The following MS4A13 variants were observed in gnomAD, a reference collection of about 807,000 sequenced individuals.
MS4A13 encodes membrane spanning 4-domains A13, also known as membrane-spanning 4-domains subfamily A member 13.
MS4A13 carries 21 observed loss-of-function variants against 18.4 expected under a neutral mutation model. The observed-to-expected ratio is 1.14, with a 90% CI of 0.81 to 1.64. The LOEUF (loss-of-function observed/expected upper bound fraction) is 1.64, where lower values mean the gene tolerates loss of function less well. Ranked by LOEUF, MS4A13 falls within the 40% of genes most tolerant of loss-of-function variation. MS4A13 has a pLI of 0.00. For synonymous variants in MS4A13, 62 were observed against 57.2 expected, an observed-to-expected ratio of 1.08 and a Z score of -0.38; for missense variants, 173 against 176.8, an observed-to-expected ratio of 0.98 and a Z score of 0.12.
intron 5 of MS4A13, among the ~76,000 whole-genome samples, chr11:60,527,408 CTCTGTGTGTG>C (rs2086725604): frequency 2.8e-5 from 1 of 35,556 alleles, no homozygotes; most frequent in East Asian, 1.1e-3. Flanking sequence ...CTCTCTCTCT[CTCTGTGTGTG>C]TGTGTGTGTG....
At chr11:60,527,342 G>T (rs1252870994) in intron 5 of MS4A13, among the ~76,000 whole-genome samples, 3 of 138,844 alleles carry the variant, frequency 2.2e-5, no homozygotes, top group Non-Finnish European at 3.0e-5. Context: ...TACATCATCT[G>T]CCAGGAACTC....
chr11:60,532,350 C>A (rs1406290428), intron 6 of MS4A13, among the ~76,000 whole-genome samples: 1 of 152,196 alleles, frequency 6.6e-6, no homozygotes, highest in Non-Finnish European at 1.5e-5. Context: ...CGAGGCATTG[C>A]CTCACCTGGG....
chr11:60,530,970 A>C (rs4939395), intron 6 of MS4A13, among the ~76,000 whole-genome samples: 25,028 of 152,138 alleles, frequency 0.16, 2,306 homozygotes, highest in East Asian at 0.27. Flanking sequence ...GAGGTCTCCC[A>C]AGCCATGTGG....
rs889107386 is a variant in MS4A13, at chr11:60,542,693, C to A, written c.*118C>A. The A allele has an allele frequency of 5.3e-6, 3 of 563,458 alleles. No homozygotes were observed. The highest frequency in any genetic ancestry group is 3.8e-5 in the African/African-American group (2 of 52,952). 34.9% of individuals were successfully genotyped at this position (563,458 alleles called of 1,614,324 possible). A position where few individuals can be genotyped will look rare whatever the true frequency, so the allele number is the denominator to read the frequency against. ...GATTTTGTGCAAAATAAAATACAAA[C>A]AAGGTGAATTTTTCTCCTCATTCAA... is the stretch of plus-strand genomic sequence containing the variant. On this transcript the variant is annotated 3_prime_UTR_variant, in exon 7 of 7. Coordinates refer to ENST00000378186, the MANE Select transcript of MS4A13 (RefSeq NM_001012417.3).
chr11:60,519,825 A>G (rs2086661887), intron 3 of MS4A13, among the ~76,000 whole-genome samples: 1 of 152,248 alleles, frequency 6.6e-6, no homozygotes, highest in Non-Finnish European at 1.5e-5. Context: ...AGAATTTAAC[A>G]GAGAGTTGAA....
intron 3 of MS4A13, 75 bp from the exon 4 acceptor site, chr11:60,523,822 A>G (rs1272145672): frequency 1.2e-6 from 1 of 867,002 alleles, no homozygotes; most frequent in Non-Finnish European, 1.9e-6. Flanking sequence ...TTGACTTACA[A>G]GAGAGTTATT....
intron 5 of MS4A13, among the ~76,000 whole-genome samples, chr11:60,528,812 C>A (rs530289887): frequency 6.6e-6 from 1 of 152,042 alleles, no homozygotes; most frequent in Non-Finnish European, 1.5e-5. Context: ...TTTATTTATC[C>A]CAGCAGTCAC....
chr11:60,525,310 G>A lies in MS4A13; in HGVS notation c.290G>A (p.Arg97Lys). 6.3e-7 allele frequency: 1 copy of A among 1,585,706 alleles called. No homozygotes were observed. Among genetic ancestry groups the A allele is most frequent in the Non-Finnish European group, 8.6e-7 (1 of 1,160,646 alleles). The part of the protein sequence containing the change: ...ELSHFNSVSY[R>K]NYGQAKLGRE... ...TCTCATTTTAATTCTGTGTCATACA[G>A]GAATTATGGACAAGCAGTAAGTGAC... The change falls in exon 5 of 7, where the codon AGG becomes AAG. Residue 97 changes from arginine (R) to lysine (K), a missense_variant. By Grantham distance (26) the Arg-to-Lys change is conservative. Coordinates refer to ENST00000378186, the MANE Select transcript of MS4A13 (RefSeq NM_001012417.3).
chr11:60,519,578 C>T (rs1376990682), intron 3 of MS4A13, among the ~76,000 whole-genome samples: 2 of 152,064 alleles, frequency 1.3e-5, no homozygotes, highest in African/African-American at 2.4e-5. Context: ...GTTTTATTTT[C>T]ACACAGCATT....
At position 60,518,122 on chromosome 11, in the gene MS4A13, A is replaced by C; in HGVS notation, c.39A>C (p.Leu13=). The change falls in exon 3 of 7, where the codon CTA becomes CTC. Residue 13 remains leucine (L), a synonymous_variant. Coordinates refer to ENST00000378186, the MANE Select transcript of MS4A13 (RefSeq NM_001012417.3). ...GIFHIFMWYF[L]LVLYMGQIKG... ...TTCACATTTTCATGTGGTACTTTCT[A>C]TTGGTTTTGTATATGGGACAAATTA... is the stretch of plus-strand genomic sequence containing the variant. 6.2e-7 allele frequency: 1 copy of C among 1,608,388 alleles called. No individual in the cohort carries two copies. The highest frequency in any genetic ancestry group is 1.7e-5 in the Admixed American group (1 of 59,910).
intron 3 of MS4A13, among the ~76,000 whole-genome samples, chr11:60,521,447 G>A (rs565426597): frequency 4.6e-5 from 7 of 152,130 alleles, no homozygotes; most frequent in Non-Finnish European, 1.0e-4. Flanking sequence ...AAGGTTTGCT[G>A]CTTAGATCAT....
intron 6 of MS4A13, among the ~76,000 whole-genome samples, chr11:60,541,567 A>G (rs1205992236): frequency 6.6e-6 from 1 of 152,216 alleles, no homozygotes. Context: ...AACTAAAGCT[A>G]ACCTATAGTG....
At chr11:60,538,300 G>GCCAT (rs1005293638) in intron 6 of MS4A13, among the ~76,000 whole-genome samples, 2 of 151,788 alleles carry the variant, frequency 1.3e-5, no homozygotes, top group African/African-American at 4.8e-5. Context: ...TTGATCAAAG[G>GCCAT]CCATACAGTT....
chr11:60,525,408 G>A, intron 5 of MS4A13, 82 bp downstream of exon 5: 1 of 924,674 alleles, frequency 1.1e-6, no homozygotes, highest in Non-Finnish European at 1.5e-6. Context: ...GGTAAGATGA[G>A]GCTTTTATTC....
downstream of MS4A13, among the ~76,000 whole-genome samples, chr11:60,543,163 A>C (rs2082305999): frequency 6.6e-6 from 1 of 151,822 alleles, no homozygotes; most frequent in South Asian, 2.1e-4. Flanking sequence ...CATTGTTTGG[A>C]TCACCTGTTC....
intron 6 of MS4A13, among the ~76,000 whole-genome samples, chr11:60,530,221 C>T (rs1444143603): frequency 6.6e-6 from 1 of 152,164 alleles, no homozygotes; most frequent in Non-Finnish European, 1.5e-5. Context: ...CAATGATTAA[C>T]AAAACAATGG....
At position 60,529,420 on chromosome 11, in the gene MS4A13, C is replaced by G. The variant is rs1425515417; in HGVS notation, c.362C>G (p.Ser121Cys). 6.2e-7 allele frequency: 1 copy of G among 1,610,238 alleles called. No homozygotes were observed. The highest frequency in any genetic ancestry group is 1.3e-5 in the African/African-American group (1 of 74,702). Residue 121 changes from serine (S) to cysteine (C), a missense_variant, in exon 6 of 7, where the codon TCT (serine) becomes TGT (cysteine). By Grantham distance (112) the Ser-to-Cys change is moderately radical (BLOSUM62 -1). Coordinates refer to ENST00000378186, the MANE Select transcript of MS4A13 (RefSeq NM_001012417.3). Reference sequence around the variant, plus strand: ...CTGTTCTTCTACGGTTTGGAATTTTCTATTGCACTTACACACTCAATATAC... The same window carrying G: ...CTGTTCTTCTACGGTTTGGAATTTTGTATTGCACTTACACACTCAATATAC... ...ILLFFYGLEF[S>C]IALTHSIYSC...
At chr11:60,522,317 A>C (rs1468773124) in intron 3 of MS4A13, among the ~76,000 whole-genome samples, 1 of 151,656 alleles carries the variant, frequency 6.6e-6, no homozygotes, top group Non-Finnish European at 1.5e-5. Flanking sequence ...ACCAAATATT[A>C]AGTGATGTTG....
At chr11:60,538,177 T>TTAAAAAAAAAA (rs60140970) in intron 6 of MS4A13, among the ~76,000 whole-genome samples, 57 of 75,036 alleles carry the variant, frequency 7.6e-4, no homozygotes, top group South Asian at 1.7e-3. Flanking sequence ...TAAAGTATAA[T>TTAAAAAAAAAA]AAAAAAAAAA....
Sources: gnomAD v4.1 joint callset for allele counts (sites outside exome capture counted in the v4.1 genomes callset) on GRCh38, gnomAD v4.1.1 for gene constraint, MANE v1.5 for transcripts, NCBI Gene and HGNC (gene_info 2026-07-23, HGNC 2026-07-21) for gene names.